COMMD1: variants seen among roughly 807,000 people sequenced by gnomAD.
COMMD1 encodes the protein COMM domain-containing protein 1.
Under a neutral mutation model 17.2 loss-of-function variants are expected in COMMD1, and 10 were observed. The observed-to-expected ratio is 0.58, with a 90% CI of 0.36 to 0.99. COMMD1 has a LOEUF of 0.99. COMMD1 is among the 50% of genes least tolerant of loss of function. The pLI, the probability that COMMD1 is intolerant of heterozygous loss-of-function variation, is 0.01. For missense variants in COMMD1, 270 were observed against 231.8 expected, an observed-to-expected ratio of 1.17 and a Z score of -1.07; for synonymous variants, 97 against 91.6, an observed-to-expected ratio of 1.06 and a Z score of -0.34.
At chr2:61,921,713 G>T (rs1004097000) in intron 1 of COMMD1, among the ~76,000 whole-genome samples, 3 of 152,166 alleles carry the variant, frequency 2.0e-5, no homozygotes, top group Non-Finnish European at 2.9e-5. Flanking sequence ...AAAGTGCTGG[G>T]ATTACAGGCG....
intron 2 of COMMD1, among the ~76,000 whole-genome samples, chr2:62,065,483 C>G (rs75338358): frequency 0.12 from 18,522 of 151,532 alleles, 1,461 homozygotes; most frequent in Non-Finnish European, 0.18. Context: ...ACCACCACAC[C>G]TGACTACTTT....
At chr2:62,125,621 A>G (rs1477768732) in intron 2 of COMMD1, among the ~76,000 whole-genome samples, 2 of 152,228 alleles carry the variant, frequency 1.3e-5, no homozygotes, top group African/African-American at 4.8e-5. Context: ...GTCAAAGGCT[A>G]AAGAAAAAAT....
intron 1 of COMMD1, among the ~76,000 whole-genome samples, chr2:61,947,669 C>T (rs907348750): frequency 4.6e-5 from 7 of 150,810 alleles, no homozygotes; most frequent in Non-Finnish European, 8.8e-5. Context: ...GGCGACAGAG[C>T]GAGATTTGTC....
intron 2 of COMMD1, among the ~76,000 whole-genome samples, chr2:62,035,879 C>T (rs1670024351): frequency 6.6e-6 from 1 of 151,856 alleles, no homozygotes; most frequent in Admixed American, 6.6e-5. Flanking sequence ...TGCTAAAACC[C>T]TGTCTCTAAA....
At chr2:62,041,731 G>C (rs1326774574) in intron 2 of COMMD1, among the ~76,000 whole-genome samples, 1 of 152,120 alleles carries the variant, frequency 6.6e-6, no homozygotes, top group Non-Finnish European at 1.5e-5. Flanking sequence ...ACGGGTGAGT[G>C]TTACAGTTCT....
intron 1 of COMMD1, among the ~76,000 whole-genome samples, chr2:61,912,357 G>A (rs1669925546): frequency 3.9e-5 from 6 of 152,202 alleles, no homozygotes; most frequent in Admixed American, 2.6e-4. Context: ...TATGAGGAAA[G>A]CTAGGAAATG....
At chr2:62,030,476 C>T (rs1393167636) in intron 2 of COMMD1, among the ~76,000 whole-genome samples, 1 of 152,172 alleles carries the variant, frequency 6.6e-6, no homozygotes, top group Admixed American at 6.5e-5. Flanking sequence ...TCTCTAGCCA[C>T]TAGTCAACAG....
chr2:61,990,806 T>C (rs1297915285), intron 1 of COMMD1, among the ~76,000 whole-genome samples: 3 of 150,258 alleles, frequency 2.0e-5, no homozygotes, highest in South Asian at 2.1e-4. Flanking sequence ...TCACAACATA[T>C]GGGAATTATG....
At chr2:62,022,822 C>G (rs546823374) in intron 2 of COMMD1, among the ~76,000 whole-genome samples, 1 of 152,124 alleles carries the variant, frequency 6.6e-6, no homozygotes, top group Non-Finnish European at 1.5e-5. Flanking sequence ...ATGAGTGAGG[C>G]TTAAAGCCAG....
intron 2 of COMMD1, among the ~76,000 whole-genome samples, chr2:62,055,208 C>T (rs1273575102): frequency 6.6e-6 from 1 of 152,164 alleles, no homozygotes; most frequent in Admixed American, 6.5e-5. Flanking sequence ...CTGCGCATGG[C>T]CTGCCCACTA....
intron 1 of COMMD1, among the ~76,000 whole-genome samples, chr2:61,913,019 A>G (rs111517102): frequency 0.03 from 4,626 of 152,198 alleles, 119 homozygotes; most frequent in East Asian, 0.091. Context: ...TTGCTTGTGC[A>G]TAGCCACTGC....
At chr2:62,092,163 C>T (rs115056377) in intron 2 of COMMD1, among the ~76,000 whole-genome samples, 1 of 152,130 alleles carries the variant, frequency 6.6e-6, no homozygotes, top group Admixed American at 6.6e-5. Flanking sequence ...AAAACAGTTT[C>T]CTGGCTTTAG....
At chr2:61,897,827 A>C (rs1001443385) in intron 1 of COMMD1, among the ~76,000 whole-genome samples, 1 of 152,074 alleles carries the variant, frequency 6.6e-6, no homozygotes, top group African/African-American at 2.4e-5. Context: ...GTTTTTTCAG[A>C]TTTATTACCC....
intron 1 of COMMD1, among the ~76,000 whole-genome samples, chr2:61,998,791 G>T (rs1335758975): frequency 1.3e-5 from 2 of 152,134 alleles, no homozygotes; most frequent in Non-Finnish European, 2.9e-5. Context: ...TTATTAGTTG[G>T]CCTAATTTCA....
intron 2 of COMMD1, among the ~76,000 whole-genome samples, chr2:62,039,896 G>T (rs542627082): frequency 6.6e-4 from 101 of 152,266 alleles, no homozygotes; most frequent in African/African-American, 2.3e-3. Flanking sequence ...TTGCCCAAAG[G>T]CCCTCCTGGG....
chr2:62,131,972 T>A (rs1052853781), intron 2 of COMMD1, among the ~76,000 whole-genome samples: 1 of 151,868 alleles, frequency 6.6e-6, no homozygotes, highest in African/African-American at 2.4e-5. Context: ...CACTGCAACC[T>A]CTGCCTCCTG....
At chr2:62,073,478 G>T (rs1671256935) in intron 2 of COMMD1, among the ~76,000 whole-genome samples, 1 of 152,094 alleles carries the variant, frequency 6.6e-6, no homozygotes, top group African/African-American at 2.4e-5. Context: ...CAACTAATTG[G>T]CAACTAAAGA....
chr2:61,891,037 A>G lies in COMMD1; in HGVS notation n.119+2195A>G, dbSNP rs1310582327. Among the ~76,000 whole-genome samples the G allele has an allele frequency of 3.3e-5, 5 of 152,114 alleles. No individual in the cohort carries two copies. In the East Asian group the frequency reaches 9.6e-4, roughly 29 times the overall value. ...TTTGGGATGTAAAATACTGGATTTG[A>G]GTTTATTAATAGCTCTGCTACTTAT... On this transcript the variant is annotated intron_variant and non_coding_transcript_variant, in intron 1 of 2. Transcript: ENST00000472729.
chr2:62,135,153 A>G lies in COMMD1; in HGVS notation c.463-678A>G, dbSNP rs541911261. 1.1e-4 allele frequency among the ~76,000 whole-genome samples: 17 copies of G among 152,182 alleles called. No homozygotes were observed. The South Asian group carries it at 1.7e-3, about 15-fold the overall frequency. On this transcript the variant is annotated intron_variant, in intron 2 of 2. Coordinates refer to ENST00000311832, the MANE Select transcript of COMMD1 (RefSeq NM_152516.4). ...CAGTCTGATTCTGCCTTTATATGGT[A>G]TTTATTTTTGATACAGGTTAACCTC...
Sources: allele counts gnomAD v4.1 joint callset (sites outside exome capture counted in the v4.1 genomes callset), GRCh38; gene constraint gnomAD v4.1.1; transcripts MANE v1.5; gene names NCBI Gene and HGNC (gene_info 2026-07-23, HGNC 2026-07-21).